PSAP: variants seen among roughly 807,000 people sequenced by gnomAD.
PSAP encodes prosaposin.
A neutral mutation model predicts 66.0 loss-of-function variants in PSAP; 25 were observed. The observed-to-expected ratio is 0.38, with a 90% CI of 0.28 to 0.53. PSAP has a LOEUF of 0.53. Ranked by LOEUF, PSAP falls within the 20% of genes least tolerant of loss-of-function variation. The pLI is 0.83. For synonymous variants in PSAP, 273 were observed against 258.9 expected (o/e 1.05, Z -0.52); for missense variants, 649 against 668.8 (o/e 0.97, Z 0.33).
chr10:71,824,664 C>G (rs560974756), intron 7 of PSAP, among the ~76,000 whole-genome samples: 1 of 152,192 alleles, frequency 6.6e-6, no homozygotes, highest in Non-Finnish European at 1.5e-5. Context: ...CAATGGCCAA[C>G]ATATTTTTAG....
intron 12 of PSAP, 113 bp from the exon 13 acceptor site, chr10:71,818,837 C>T (rs1168947430): frequency 1.4e-5 from 15 of 1,073,866 alleles, no homozygotes; most frequent in African/African-American, 3.1e-5. Context: ...AGCTCCACCA[C>T]GCTCTTTCAG....
chr10:71,830,410 G>A (rs1184004368), intron 4 of PSAP, among the ~76,000 whole-genome samples: 4 of 152,172 alleles, frequency 2.6e-5, no homozygotes, highest in South Asian at 2.1e-4. Flanking sequence ...GTCAGCTTCC[G>A]GACTTGCAGC....
intron 1 of PSAP, among the ~76,000 whole-genome samples, chr10:71,847,918 A>AT (rs1405933423): frequency 2.0e-5 from 3 of 152,202 alleles, no homozygotes; most frequent in African/African-American, 7.2e-5. Context: ...CCCAGAAAAC[A>AT]TAACTGTCTT....
intron 11 of PSAP, 115 bp downstream of exon 11, chr10:71,819,350 G>A: frequency 2.0e-6 from 3 of 1,465,046 alleles, no homozygotes; most frequent in Non-Finnish European, 2.8e-6. Flanking sequence ...AAACTTCATT[G>A]GACTCCATGC....
intron 1 of PSAP, among the ~76,000 whole-genome samples, chr10:71,835,542 A>G (rs1842605190): frequency 6.6e-6 from 1 of 152,156 alleles, no homozygotes; most frequent in Non-Finnish European, 1.5e-5. Context: ...ACTGCACTCC[A>G]GCGGTGAGCT....
At chr10:71,847,713 T>G (rs904481732) in intron 1 of PSAP, among the ~76,000 whole-genome samples, 1 of 152,130 alleles carries the variant, frequency 6.6e-6, no homozygotes, top group Non-Finnish European at 1.5e-5. Context: ...AATCACTGAT[T>G]TGTTAAAACA....
At chr10:71,837,280 A>G (rs962856365) in intron 1 of PSAP, among the ~76,000 whole-genome samples, 2 of 152,244 alleles carry the variant, frequency 1.3e-5, no homozygotes, top group African/African-American at 4.8e-5. Flanking sequence ...ACATGATGAC[A>G]TACGTTCATA....
At chr10:71,818,492 T>G in intron 13 of PSAP, 125 bp downstream of exon 13, 1 of 905,322 alleles carries the variant, frequency 1.1e-6, no homozygotes, top group Non-Finnish European at 1.9e-6. Context: ...TCTCTGGGCC[T>G]CAGCTTTCTG....
Position 71,829,031 on chromosome 10 carries a change from A to G in PSAP, c.422T>C (p.Leu141Pro). 6.2e-7 allele frequency: 1 copy of G among 1,614,120 alleles called. No homozygotes were observed. The highest frequency in any genetic ancestry group is 8.5e-7 in the Non-Finnish European group (1 of 1,180,014). Reference sequence around the variant, plus strand: ...ATTCAGCTCTGCTAGGTGCTTCTGGAGAGACTCGCAGAGGTTGAGAGCAGA... The same window carrying G: ...ATTCAGCTCTGCTAGGTGCTTCTGGGGAGACTCGCAGAGGTTGAGAGCAGA... ...VCSALNLCES[L>P]QKHLAELNHQ... Residue 141 changes from leucine to proline, a missense_variant, in exon 5 of 14, where the codon CTC becomes CCC. Physicochemically the swap from Leu to Pro is moderately conservative, Grantham distance 98 (BLOSUM62 -3). Coordinates refer to ENST00000394936, the MANE Select transcript of PSAP (RefSeq NM_002778.4).
chr10:71,839,874 C>T (rs139752224), intron 1 of PSAP, among the ~76,000 whole-genome samples: 24 of 152,140 alleles, frequency 1.6e-4, no homozygotes, highest in African/African-American at 5.3e-4. Context: ...AACAAATAAG[C>T]CATTATTATT....
intron 1 of PSAP, 74 bp downstream of exon 1, chr10:71,851,108 C>A (rs1842920016): frequency 6.6e-7 from 1 of 1,516,150 alleles, no homozygotes; most frequent in African/African-American, 1.4e-5. Flanking sequence ...GGGGCCAGGC[C>A]CGGCACAGCC....
At chr10:71,840,963 C>G (rs938362556) in intron 1 of PSAP, among the ~76,000 whole-genome samples, 11 of 152,198 alleles carry the variant, frequency 7.2e-5, no homozygotes, top group Non-Finnish European at 1.6e-4. Context: ...AATAAAAACT[C>G]CTAACAAAGC....
At position 71,816,639 on chromosome 10, in the gene PSAP, A is replaced by T. The variant is rs1842166847; in HGVS notation, c.*802T>A. ...TGAAGCAGCGCCTCAACAGCCAGGGACATGTAGGCAACACGAGCAGGCACA... is the reference window on the plus strand; with the variant it reads ...TGAAGCAGCGCCTCAACAGCCAGGGTCATGTAGGCAACACGAGCAGGCACA... On this transcript the variant is annotated 3_prime_UTR_variant, in exon 14 of 14. Coordinates refer to ENST00000394936, the MANE Select transcript of PSAP (RefSeq NM_002778.4). 2.7e-6 allele frequency: 1 copy of T among 365,874 alleles called. No homozygotes were observed. Among genetic ancestry groups the T allele is most frequent in the Non-Finnish European group, 5.6e-6 (1 of 178,758 alleles). 22.7% of individuals were successfully genotyped at this position (365,874 alleles called of 1,614,324 possible). A position where few individuals can be genotyped will look rare whatever the true frequency, so the allele number is the denominator to read the frequency against.
chr10:71,828,447 G>A (rs1013265985), intron 5 of PSAP, among the ~76,000 whole-genome samples: 1 of 152,128 alleles, frequency 6.6e-6, no homozygotes, highest in African/African-American at 2.4e-5. Flanking sequence ...CTTGAACCCA[G>A]GAGTTTGAGA....
intron 7 of PSAP, chr10:71,824,033 T>C: frequency 1.7e-6 from 1 of 597,498 alleles, no homozygotes. Flanking sequence ...GGAAATGCTC[T>C]TGCAATCAGA....
At chr10:71,827,977 C>T (rs1163071232) in intron 6 of PSAP, 37 bp downstream of exon 6, 6 of 1,613,624 alleles carry the variant, frequency 3.7e-6, no homozygotes, top group Non-Finnish European at 5.1e-6. Context: ...ACTCCCAGGC[C>T]CAGAACATCC....
At chr10:71,843,075 G>A (rs1842756319) in intron 1 of PSAP, among the ~76,000 whole-genome samples, 3 of 152,102 alleles carry the variant, frequency 2.0e-5, no homozygotes, top group Non-Finnish European at 2.9e-5. Flanking sequence ...GCCAGGTAGC[G>A]GTGAGTGCTA....
intron 1 of PSAP, 128 bp from the exon 2 acceptor site, chr10:71,834,633 G>A (rs1842587363): frequency 1.6e-6 from 2 of 1,214,636 alleles, no homozygotes; most frequent in South Asian, 2.6e-5. Context: ...TCACCAAGCT[G>A]TATGGGACAC....
At position 71,834,521 on chromosome 10, in the gene PSAP, A is replaced by G. The variant is rs766446849; in HGVS notation, c.41-16T>C. On this transcript the variant is annotated splice_polypyrimidine_tract_variant and intron_variant, in intron 1 of 13. Coordinates refer to ENST00000394936, the MANE Select transcript of PSAP (RefSeq NM_002778.4). The stretch of plus-strand genomic sequence containing the variant: ...CCGGCTAGAGCTAAAATGAAAACCA[A>G]CGTGAGGAGGTGGCCCATTTTGTAG... 8.1e-6 allele frequency: 13 copies of G among 1,613,042 alleles called. No homozygotes were observed. In the South Asian group the frequency reaches 1.2e-4, roughly 15 times the overall value.
Sources: allele counts gnomAD v4.1 joint callset (sites outside exome capture counted in the v4.1 genomes callset), GRCh38; gene constraint gnomAD v4.1.1; transcripts MANE v1.5; gene names NCBI Gene and HGNC (gene_info 2026-07-23, HGNC 2026-07-21).